Variants in DPYD observed in about 807,000 individuals in gnomAD.
The protein encoded by DPYD is dihydropyrimidine dehydrogenase [NADP(+)].
A neutral mutation model predicts 116.2 loss-of-function variants in DPYD; 109 were observed. The observed-to-expected ratio is 0.94, with a 90% CI of 0.80 to 1.10. The LOEUF (loss-of-function observed/expected upper bound fraction) is 1.10. Among genes scored for constraint, DPYD ranks in the 50% least tolerant of loss-of-function variants. DPYD has a pLI of 0.00. For missense variants in DPYD, 1,302 were observed against 1,254.5 expected (o/e 1.04, Z -0.57); for synonymous variants, 440 against 432.0 (o/e 1.02, Z -0.23).
At chr1:97,495,319 C>A (rs1398238635) in intron 13 of DPYD, among the ~76,000 whole-genome samples, 1 of 151,968 alleles carries the variant, frequency 6.6e-6, no homozygotes, top group Non-Finnish European at 1.5e-5. Context: ...TCTGTAATGT[C>A]CAGAAAGAAT....
intron 14 of DPYD, among the ~76,000 whole-genome samples, chr1:97,389,876 A>AAG (rs1200511429): frequency 6.6e-6 from 1 of 150,892 alleles, no homozygotes; most frequent in Non-Finnish European, 1.5e-5. Context: ...AAAAAAAAAA[A>AAG]AGTAGTGCTA....
At chr1:97,081,451 A>G (rs1199744502) in intron 22 of DPYD, among the ~76,000 whole-genome samples, 1 of 152,062 alleles carries the variant, frequency 6.6e-6, no homozygotes, top group African/African-American at 2.4e-5. Context: ...AACTTTCACA[A>G]TAAATCAGGC....
chr1:97,508,189 A>T lies in DPYD; in HGVS notation c.1740+7537T>A, dbSNP rs76015300. 5.9e-3 allele frequency among the ~76,000 whole-genome samples: 902 copies of T among 152,134 alleles called. 5 individuals are homozygous for T. The highest frequency in any genetic ancestry group is 8.4e-3 in the Non-Finnish European group (568 of 67,952). The stretch of plus-strand genomic sequence containing the variant: ...TATGGTGATAAGTGCAGTGAAGAAA[A>T]AAACAACCAATGTAATGTGGGATGG... On this transcript the variant is annotated intron_variant, in intron 13 of 22. Coordinates refer to ENST00000370192, the MANE Select transcript of DPYD (RefSeq NM_000110.4).
At chr1:97,827,974 G>T in intron 3 of DPYD, 140 bp downstream of exon 3, 1 of 790,888 alleles carries the variant, frequency 1.3e-6, no homozygotes, top group Non-Finnish European at 2.1e-6. Context: ...ACAGCCTCAA[G>T]GGAAGTCTCT....
At chr1:97,260,014 C>T (rs1192270808) in intron 18 of DPYD, among the ~76,000 whole-genome samples, 2 of 152,128 alleles carry the variant, frequency 1.3e-5, no homozygotes, top group African/African-American at 4.8e-5. Context: ...TATGTTTTCA[C>T]CTTTTTACTT....
intron 13 of DPYD, among the ~76,000 whole-genome samples, chr1:97,463,839 G>A (rs1677154341): frequency 6.6e-6 from 1 of 152,136 alleles, no homozygotes; most frequent in Non-Finnish European, 1.5e-5. Context: ...ATGATTTAGG[G>A]TATCTGGCAG....
At chr1:97,457,762 T>C (rs1676768777) in intron 13 of DPYD, among the ~76,000 whole-genome samples, 1 of 152,170 alleles carries the variant, frequency 6.6e-6, no homozygotes, top group South Asian at 2.1e-4. Flanking sequence ...TGGGTCAGAT[T>C]GCAGAGTCCT....
chr1:97,241,414 T>C (rs937275599), intron 18 of DPYD, among the ~76,000 whole-genome samples: 16 of 151,930 alleles, frequency 1.1e-4, no homozygotes, highest in African/African-American at 3.9e-4. Flanking sequence ...GTCCTCTCTA[T>C]TTTGTACATA....
chr1:97,572,909 A>G (rs1482332531), intron 11 of DPYD, among the ~76,000 whole-genome samples: 1 of 152,040 alleles, frequency 6.6e-6, no homozygotes, highest in African/African-American at 2.4e-5. Flanking sequence ...TAATTTTAGC[A>G]TGGATATAGT....
intron 2 of DPYD, among the ~76,000 whole-genome samples, chr1:97,839,816 G>A (rs1669953678): frequency 6.6e-6 from 1 of 152,100 alleles, no homozygotes; most frequent in South Asian, 2.1e-4. Context: ...CACTAGCAAT[G>A]TATGAAAGAG....
intron 2 of DPYD, among the ~76,000 whole-genome samples, chr1:97,839,980 T>C (rs561765443): frequency 2.0e-5 from 3 of 152,310 alleles, no homozygotes; most frequent in East Asian, 3.9e-4. Context: ...TTTTTAGATA[T>C]TGCCTATTCA....
intron 8 of DPYD, among the ~76,000 whole-genome samples, chr1:97,610,330 C>T (rs766131938): frequency 6.6e-6 from 1 of 151,942 alleles, no homozygotes; most frequent in African/African-American, 2.4e-5. Context: ...GTGCTGTCCT[C>T]GTTAACCACA....
intron 12 of DPYD, among the ~76,000 whole-genome samples, chr1:97,517,671 T>C (rs985716290): frequency 1.3e-5 from 2 of 152,120 alleles, no homozygotes; most frequent in East Asian, 3.8e-4. Context: ...GTAATCATAA[T>C]GTAAATTCAA....
intron 12 of DPYD, among the ~76,000 whole-genome samples, chr1:97,534,798 G>A (rs1466311241): frequency 6.6e-6 from 1 of 151,910 alleles, no homozygotes; most frequent in Admixed American, 6.6e-5. Flanking sequence ...TAATCCATAG[G>A]TAATTTTGCA....
At chr1:97,184,554 T>C (rs1188984270) in intron 20 of DPYD, among the ~76,000 whole-genome samples, 1 of 152,168 alleles carries the variant, frequency 6.6e-6, no homozygotes, top group East Asian at 1.9e-4. Flanking sequence ...GTTGGCTGCA[T>C]GTATCCACGT....
intron 14 of DPYD, among the ~76,000 whole-genome samples, chr1:97,383,846 G>A (rs1433745739): frequency 1.3e-5 from 2 of 152,128 alleles, no homozygotes; most frequent in Non-Finnish European, 2.9e-5. Flanking sequence ...AGTAGCTCAC[G>A]CCTGTAATCC....
At chr1:97,728,681 A>T (rs1273322471) in intron 4 of DPYD, among the ~76,000 whole-genome samples, 1 of 152,094 alleles carries the variant, frequency 6.6e-6, no homozygotes, top group Non-Finnish European at 1.5e-5. Flanking sequence ...AACTTCAAGA[A>T]GTTTGCATGT....
intron 16 of DPYD, among the ~76,000 whole-genome samples, chr1:97,343,004 A>T (rs1669658906): frequency 6.6e-6 from 1 of 152,136 alleles, no homozygotes; most frequent in African/African-American, 2.4e-5. Context: ...GGAAAAAAAA[A>T]CACTCAAAGA....
intron 14 of DPYD, among the ~76,000 whole-genome samples, chr1:97,409,725 C>T (rs943224554): frequency 6.6e-6 from 1 of 152,120 alleles, no homozygotes; most frequent in African/African-American, 2.4e-5. Context: ...ATATATTCTT[C>T]CCCAGACATA....
Sources: allele counts gnomAD v4.1 joint callset (sites outside exome capture counted in the v4.1 genomes callset), GRCh38; gene constraint gnomAD v4.1.1; transcripts MANE v1.5; gene names NCBI Gene and HGNC (gene_info 2026-07-23, HGNC 2026-07-21).